MSI2: variants seen among roughly 807,000 people sequenced by gnomAD.
MSI2 encodes the protein RNA-binding protein Musashi homolog 2.
In MSI2, 17 loss-of-function variants were observed where a neutral mutation model predicts 45.6. The ratio of observed to expected loss-of-function variants is 0.37; its 90% CI spans 0.26 to 0.56. MSI2 has a LOEUF of 0.56. MSI2 is among the 20% of genes least tolerant of loss of function. The pLI, the probability that MSI2 is intolerant of heterozygous loss-of-function variation, is 0.77. For synonymous variants in MSI2, 156 were observed against 158.2 expected (o/e 0.99, Z 0.11); for missense variants, 293 against 444.2 (o/e 0.66, Z 3.06).
chr17:57,427,241 A>G (rs2084509796), intron 6 of MSI2, among the ~76,000 whole-genome samples: 1 of 150,434 alleles, frequency 6.6e-6, no homozygotes, highest in Non-Finnish European at 1.5e-5. Context: ...TAATAAAAAT[A>G]CAAAAATTAG....
chr17:57,699,734 TG>T, the MSI2 span, among the ~76,000 whole-genome samples: 3 of 152,226 alleles, frequency 2.0e-5, no homozygotes, highest in Non-Finnish European at 4.4e-5. Flanking sequence ...TCCCTGTGTC[TG>T]CCGATGTCCT....
chr17:57,543,406 G>T (rs2087095705), intron 7 of MSI2, among the ~76,000 whole-genome samples: 1 of 152,188 alleles, frequency 6.6e-6, no homozygotes, highest in Admixed American at 6.5e-5. Flanking sequence ...CATGCTGCCT[G>T]GTTGCAGCCC....
intron 10 of MSI2, chr17:57,628,298 A>T (rs1908999762): frequency 6.6e-6 from 1 of 152,244 alleles, no homozygotes; most frequent in Admixed American, 6.5e-5. Context: ...TGAATTAGGA[A>T]GCAAAGGGAG....
At chr17:57,396,564 G>C (rs756525901) in intron 5 of MSI2, among the ~76,000 whole-genome samples, 2 of 152,198 alleles carry the variant, frequency 1.3e-5, no homozygotes, top group African/African-American at 4.8e-5. Flanking sequence ...TCTGTTTAGA[G>C]GCAGGGAGGT....
chr17:57,438,125 T>C (rs1015036769), intron 6 of MSI2, among the ~76,000 whole-genome samples: 1 of 152,120 alleles, frequency 6.6e-6, no homozygotes, highest in Non-Finnish European at 1.5e-5. Context: ...TGGGAGACAG[T>C]GCACCAGTAG....
intron 5 of MSI2, among the ~76,000 whole-genome samples, chr17:57,343,679 A>G (rs929430999): frequency 1.3e-5 from 2 of 152,320 alleles, no homozygotes; most frequent in East Asian, 3.9e-4. Flanking sequence ...CCTTTATAGA[A>G]TTCTTTTTCC....
intron 7 of MSI2, among the ~76,000 whole-genome samples, chr17:57,533,112 C>G (rs1211150389): frequency 1.3e-5 from 2 of 152,218 alleles, no homozygotes; most frequent in Non-Finnish European, 2.9e-5. Context: ...CTTGACCCCA[C>G]TGGTCACCTC....
chr17:57,613,262 T>C (rs1287569526), intron 8 of MSI2, among the ~76,000 whole-genome samples: 2 of 152,328 alleles, frequency 1.3e-5, no homozygotes, highest in East Asian at 3.9e-4. Context: ...TTTCCCTATA[T>C]GATATATGCA....
At chr17:57,617,441 G>C (rs969508651) in intron 9 of MSI2, among the ~76,000 whole-genome samples, 4 of 152,216 alleles carry the variant, frequency 2.6e-5, no homozygotes, top group African/African-American at 9.7e-5. Context: ...ATATGGGAAT[G>C]CACCAGTTGA....
intron 5 of MSI2, among the ~76,000 whole-genome samples, chr17:57,310,828 G>A: frequency 6.6e-6 from 1 of 152,196 alleles, no homozygotes; most frequent in East Asian, 1.9e-4. Context: ...AGCCTTCACA[G>A]ATGGTGTGGC....
At chr17:57,413,939 C>T (rs1598237778) in intron 6 of MSI2, among the ~76,000 whole-genome samples, 1 of 151,918 alleles carries the variant, frequency 6.6e-6, no homozygotes, top group East Asian at 1.9e-4. Flanking sequence ...TTCAGCAGAC[C>T]TTGATTACCT....
At chr17:57,339,106 A>G (rs1234346755) in intron 5 of MSI2, among the ~76,000 whole-genome samples, 4 of 152,160 alleles carry the variant, frequency 2.6e-5, no homozygotes, top group African/African-American at 9.7e-5. Flanking sequence ...TATTTTTTGT[A>G]TCAAAGAGAC....
intron 5 of MSI2, among the ~76,000 whole-genome samples, chr17:57,384,377 A>G (rs2083649646): frequency 6.6e-6 from 1 of 152,176 alleles, no homozygotes; most frequent in African/African-American, 2.4e-5. Context: ...TGGAGCTCCT[A>G]CATGTGGTCT....
At chr17:57,504,228 C>T (rs549581567) in intron 6 of MSI2, among the ~76,000 whole-genome samples, 1 of 152,330 alleles carries the variant, frequency 6.6e-6, no homozygotes, top group Non-Finnish European at 1.5e-5. Context: ...GTCTCCCATC[C>T]AGCCTCCTTG....
intron 3 of MSI2, 134 bp from the exon 4 acceptor site, chr17:57,258,136 G>A (rs1368814118): frequency 5.8e-6 from 4 of 687,924 alleles, no homozygotes; most frequent in Non-Finnish European, 1.0e-5. Context: ...AGGGGAATTG[G>A]AGGAGGGGAG....
At position 57,627,202 on chromosome 17, in the gene MSI2, A is replaced by G. The variant is rs1251526239; in HGVS notation, c.653-27A>G. On this transcript the variant is annotated intron_variant, in intron 9 of 13. Coordinates refer to ENST00000284073, the MANE Select transcript of MSI2 (RefSeq NM_138962.4). This position sits in a 1 kb window ranked among gnomAD's most constrained non-coding sequence, Gnocchi z 4.6. ...GACCTGAGGCGGCTGTACTAACAGG[A>G]CTCTGATCTTTCTCTTTGTGTTCAA... The G allele has an allele frequency of 2.0e-5, 32 of 1,610,536 alleles. No homozygotes were observed. The highest frequency in any genetic ancestry group is 2.6e-5 in the Non-Finnish European group (31 of 1,176,826).
chr17:57,448,259 C>T (rs747154727), intron 6 of MSI2: 25 of 152,166 alleles, frequency 1.6e-4, no homozygotes, highest in Non-Finnish European at 3.4e-4. Flanking sequence ...AAAGTGCCTG[C>T]CTGACATGTT....
At chr17:57,522,407 C>A (rs1423901567) in intron 6 of MSI2, 1 of 152,166 alleles carries the variant, frequency 6.6e-6, no homozygotes, top group Admixed American at 6.5e-5. Flanking sequence ...TAAGGATCAT[C>A]TGAAGTGCCG....
chr17:57,540,287 A>G (rs2087014708), intron 7 of MSI2, among the ~76,000 whole-genome samples: 1 of 152,182 alleles, frequency 6.6e-6, no homozygotes, highest in South Asian at 2.1e-4. Flanking sequence ...TTTTACTACT[A>G]AGAATACTGT....
Sources: allele counts gnomAD v4.1 joint callset (sites outside exome capture counted in the v4.1 genomes callset), GRCh38; gene constraint gnomAD v4.1.1; non-coding constraint Gnocchi (gnomAD v3.1); transcripts MANE v1.5; gene names NCBI Gene and HGNC (gene_info 2026-07-23, HGNC 2026-07-21).